Variants in SLC7A9 observed in about 807,000 individuals in gnomAD.
SLC7A9 encodes solute carrier family 7 member 9.
Under a neutral mutation model 54.1 loss-of-function variants are expected in SLC7A9, and 38 were observed. The observed-to-expected ratio is 0.70, with a 90% CI of 0.54 to 0.92. The LOEUF (loss-of-function observed/expected upper bound fraction) is 0.92. Among genes scored for constraint, SLC7A9 ranks in the 40% least tolerant of loss-of-function variants. The probability of loss-of-function intolerance (pLI) is 0.00; values close to 1 mark genes in which losing one functional copy is unlikely to be tolerated. For missense variants in SLC7A9, 537 were observed against 636.1 expected (o/e 0.84, Z 1.68); for synonymous variants, 264 against 258.9 (o/e 1.02, Z -0.19).
intron 2 of SLC7A9, among the ~76,000 whole-genome samples, chr19:32,867,389 C>G (rs1969002284): frequency 6.6e-6 from 1 of 152,086 alleles, no homozygotes; most frequent in South Asian, 2.1e-4. Context: ...TGGTGGTGTG[C>G]TCCTGTAGTC....
At chr19:32,839,653 A>G (rs973035687) in intron 11 of SLC7A9, among the ~76,000 whole-genome samples, 4 of 151,688 alleles carry the variant, frequency 2.6e-5, no homozygotes, top group African/African-American at 4.8e-5. Context: ...TTGGCTGGGT[A>G]TAAGAATCTG....
rs79987078 is a variant in SLC7A9, at chr19:32,864,206, G to A, written c.368C>T (p.Thr123Met). The change falls in exon 4 of 13, where the codon ACG (threonine) becomes ATG (methionine). Residue 123 changes from threonine to methionine, a missense_variant. Transcript: ENST00000023064. ...GCTGAGGCAGATGATGGCGAAGGAC[G>A]TGGGCTTAATGACGATCAGGCTGGC... ...SWASLIVIKP[T>M]SFAIICLSFS... 2.4e-4 allele frequency: 381 copies of A among 1,614,210 alleles called. No homozygotes were observed. The highest frequency in any genetic ancestry group is 4.0e-4 in the Admixed American group (24 of 60,034).
chr19:32,867,929 C>CAAAAAA (rs57446079), intron 2 of SLC7A9, among the ~76,000 whole-genome samples: 36 of 66,004 alleles, frequency 5.5e-4, no homozygotes, highest in Non-Finnish European at 6.7e-4. Flanking sequence ...GACTCTGTCT[C>CAAAAAA]AAAAAAAAAA....
At position 32,830,625 on chromosome 19, in the gene SLC7A9, CAG is replaced by C; in HGVS notation, c.1457_1458del (p.Pro486ArgfsTer13). 6.2e-7 allele frequency: 1 copy of C among 1,613,172 alleles called. No homozygotes were observed. Among genetic ancestry groups the C allele is most frequent in the Non-Finnish European group, 8.5e-7 (1 of 1,179,082 alleles). On this transcript the variant is annotated frameshift_variant, in exon 13 of 13. Transcript: ENST00000023064. LOFTEE classifies it high-confidence loss of function. Reference sequence around the variant, plus strand: ...GCTACAAGAGACGGAGCTTGTTACTCAGGGTCTTCCTCCGGTGGGACCACTTC... The same window carrying C: ...GCTACAAGAGACGGAGCTTGTTACTCGGTCTTCCTCCGGTGGGACCACTTC... ...LMEVVPPEED[P>X]E is the part of the protein sequence containing the mutation.
At position 32,863,770 on chromosome 19, in the gene SLC7A9, G is replaced by A. The variant is rs113039632; in HGVS notation, c.478+326C>T. Among the ~76,000 whole-genome samples, 2,156 of 152,276 alleles carry A rather than the reference G, an allele frequency of 0.014. 55 individuals carry two copies. The highest frequency in any genetic ancestry group is 0.049 in the African/African-American group (2,034 of 41,566). On this transcript the variant is annotated intron_variant, in intron 4 of 12. Coordinates refer to ENST00000023064, the MANE Select transcript of SLC7A9 (RefSeq NM_014270.5). ...AAAGAACCTGGAGATGACCTTAGCC[G>A]GGCTGCCTCAGATGGCGAAAAATTA...
At chr19:32,861,560 C>G (rs981159685) in intron 6 of SLC7A9, among the ~76,000 whole-genome samples, 27 of 152,084 alleles carry the variant, frequency 1.8e-4, no homozygotes, top group Admixed American at 3.3e-4. Flanking sequence ...GCCTGTAAAC[C>G]CAGCACTTTG....
rs941935684 is a variant in SLC7A9, at chr19:32,852,982, C to T, written c.977+5458G>A. 3.4e-5 allele frequency among the ~76,000 whole-genome samples: 5 copies of T among 147,112 alleles called. No individual in the cohort carries two copies. In the South Asian group the frequency reaches 6.4e-4, roughly 19 times the overall value. The stretch of plus-strand genomic sequence containing the variant: ...AGGCTGGAGTGCAATGGTGCAATCT[C>T]GGCTCACTGCAACCTCCGTCCCCCA... On this transcript the variant is annotated intron_variant, in intron 9 of 12. Transcript: ENST00000023064.
chr19:32,866,483 GGC>G (rs1968975438), intron 2 of SLC7A9, among the ~76,000 whole-genome samples: 1 of 152,162 alleles, frequency 6.6e-6, no homozygotes, highest in African/African-American at 2.4e-5. Flanking sequence ...GGAGTGCAAT[GGC>G]GCGATCATGA....
chr19:32,851,233 A>G (rs1453133226), intron 9 of SLC7A9, among the ~76,000 whole-genome samples: 1 of 152,058 alleles, frequency 6.6e-6, no homozygotes, highest in Non-Finnish European at 1.5e-5. Flanking sequence ...CAGAGTGAAC[A>G]GGCAACCTAC....
intron 9 of SLC7A9, among the ~76,000 whole-genome samples, chr19:32,853,240 G>C (rs987085955): frequency 1.3e-5 from 2 of 152,160 alleles, no homozygotes; most frequent in Non-Finnish European, 2.9e-5. Flanking sequence ...GAAATGTCAA[G>C]AAAAAGCAGT....
rs575977856 is a variant in SLC7A9 at position 32,843,101 on chromosome 19, C to T, written c.1074+754G>A. On this transcript the variant is annotated intron_variant, in intron 10 of 12. Transcript: ENST00000023064. ...GGGGCTAGAAATGTGGATGGTTTAT[C>T]AGTGCCCAGAACAGTTGCACAAAAC... 3.9e-5 allele frequency among the ~76,000 whole-genome samples: 6 copies of T among 152,154 alleles called. No individual in the cohort carries two copies. In the South Asian group the frequency reaches 1.2e-3, roughly 32 times the overall value.
chr19:32,851,616 T>C (rs1968468802), intron 9 of SLC7A9, among the ~76,000 whole-genome samples: 1 of 152,088 alleles, frequency 6.6e-6, no homozygotes, highest in African/African-American at 2.4e-5. Flanking sequence ...AGTGTGGCGA[T>C]TCCTTAGGAA....
intron 9 of SLC7A9, among the ~76,000 whole-genome samples, chr19:32,845,514 A>C (rs1470820363): frequency 2.0e-5 from 3 of 152,106 alleles, no homozygotes; most frequent in Non-Finnish European, 2.9e-5. Context: ...ACAAAACCAA[A>C]CAAACAAAAA....
At chr19:32,853,419 GGTGA>G (rs1482107127) in intron 9 of SLC7A9, among the ~76,000 whole-genome samples, 4 of 152,082 alleles carry the variant, frequency 2.6e-5, no homozygotes, top group South Asian at 2.1e-4. Context: ...AATTACAAAG[GGTGA>G]GTTTTATATT....
intron 11 of SLC7A9, among the ~76,000 whole-genome samples, chr19:32,836,932 T>C (rs117346057): frequency 6.6e-6 from 1 of 152,344 alleles, no homozygotes; most frequent in East Asian, 1.9e-4. Flanking sequence ...ATTTGCTTGA[T>C]ATTTCTCTGC....
At chr19:32,843,799 C>T (rs1968196441) in intron 10 of SLC7A9, 56 bp downstream of exon 10, 2 of 1,350,220 alleles carry the variant, frequency 1.5e-6, no homozygotes, top group Admixed American at 1.7e-5. Context: ...GCTTAGCACC[C>T]CATGGATGGA....
chr19:32,846,360 A>T (rs1486230660), intron 9 of SLC7A9, among the ~76,000 whole-genome samples: 1 of 152,224 alleles, frequency 6.6e-6, no homozygotes, highest in Non-Finnish European at 1.5e-5. Context: ...ACGGTGCACC[A>T]GGAGATTATA....
intron 9 of SLC7A9, among the ~76,000 whole-genome samples, chr19:32,845,589 A>C (rs754922780): frequency 5.9e-5 from 9 of 152,274 alleles, no homozygotes; most frequent in African/African-American, 7.2e-5. Context: ...ACAAGATTTG[A>C]ACATTACAAG....
At chr19:32,857,918 G>T (rs1452277045) in intron 9 of SLC7A9, among the ~76,000 whole-genome samples, 4 of 152,188 alleles carry the variant, frequency 2.6e-5, no homozygotes, top group Non-Finnish European at 4.4e-5. Flanking sequence ...CTGTGACAGA[G>T]GTTTATGCAG....
Sources: allele counts gnomAD v4.1 joint callset (sites outside exome capture counted in the v4.1 genomes callset), GRCh38; gene constraint gnomAD v4.1.1; transcripts MANE v1.5; gene names NCBI Gene and HGNC (gene_info 2026-07-23, HGNC 2026-07-21).